Variants in ETS1 observed in about 807,000 individuals in gnomAD.
ETS1 encodes the protein ETS proto-oncogene 1, transcription factor.
In ETS1, 15 loss-of-function variants were observed where a neutral mutation model predicts 58.6. The observed-to-expected ratio is 0.26, with a 90% CI of 0.17 to 0.39. The LOEUF is 0.39. ETS1 is among the 10% of genes least tolerant of loss of function. ETS1 has a pLI of 1.00. For missense variants in ETS1, 417 were observed against 610.5 expected, an observed-to-expected ratio of 0.68 and a Z score of 3.34; for synonymous variants, 214 against 218.2, an observed-to-expected ratio of 0.98 and a Z score of 0.17.
At chr11:128,544,290 T>TCA (rs1864097727) in intron 3 of ETS1, among the ~76,000 whole-genome samples, 1 of 145,854 alleles carries the variant, frequency 6.9e-6, no homozygotes, top group Admixed American at 7.0e-5. Context: ...ACCTGTGAGA[T>TCA]CAGAAAGGAA....
chr11:128,542,812 C>T (rs941723901), intron 3 of ETS1, among the ~76,000 whole-genome samples: 17 of 152,070 alleles, frequency 1.1e-4, no homozygotes, highest in African/African-American at 3.1e-4. Context: ...TGGAACACAC[C>T]CTCCATGTAT....
At chr11:128,565,626 A>C (rs536588486) in intron 2 of ETS1, among the ~76,000 whole-genome samples, 2 of 152,342 alleles carry the variant, frequency 1.3e-5, no homozygotes, top group African/African-American at 4.8e-5. Context: ...CAGAAGCCCC[A>C]CAGTCCAAGA....
At chr11:128,558,112 A>C (rs769167768) in intron 2 of ETS1, among the ~76,000 whole-genome samples, 1 of 152,212 alleles carries the variant, frequency 6.6e-6, no homozygotes, top group Non-Finnish European at 1.5e-5. Context: ...GAGCTGGATG[A>C]AGTTTACTTT....
At chr11:128,551,254 C>T (rs781283074) in intron 3 of ETS1, among the ~76,000 whole-genome samples, 26 of 152,326 alleles carry the variant, frequency 1.7e-4, no homozygotes, top group East Asian at 1.2e-3. Flanking sequence ...ACTCCCTCAG[C>T]GCTCTCAACA....
chr11:128,569,208 G>A (rs1864569929), intron 2 of ETS1, among the ~76,000 whole-genome samples: 1 of 151,798 alleles, frequency 6.6e-6, no homozygotes, highest in Non-Finnish European at 1.5e-5. Context: ...ACATCTCCAG[G>A]CATTGCCAAA....
intron 3 of ETS1, among the ~76,000 whole-genome samples, chr11:128,545,394 A>G (rs143276352): frequency 6.6e-6 from 1 of 152,194 alleles, no homozygotes; most frequent in Non-Finnish European, 1.5e-5. Flanking sequence ...GGTTAAGAAC[A>G]TGCACTTTGG....
intron 1 of ETS1, among the ~76,000 whole-genome samples, chr11:128,584,792 C>T (rs1864940200): frequency 6.6e-6 from 1 of 150,816 alleles, no homozygotes; most frequent in African/African-American, 2.4e-5. Flanking sequence ...TGCTGCATAC[C>T]ACATTAATTT....
rs1202283286 is a variant in ETS1 at position 128,540,248 on chromosome 11, C to T, written c.214+16043G>A. On this transcript the variant is annotated intron_variant, in intron 3 of 9. Coordinates refer to ENST00000392668, the MANE Select transcript of ETS1 (RefSeq NM_001143820.2). ...GAATCACTTCAACCCAGGAGGCGGA[C>T]GGAGGATGCAGTGAGCGGAGATTGT... Among the ~76,000 whole-genome samples, 8 of 141,156 alleles carry T rather than the reference C, an allele frequency of 5.7e-5. No individual in the cohort carries two copies. The East Asian group carries it at 1.1e-3, about 19-fold the overall frequency. The allele number at this position is 141,156 out of a possible 152,430, so 92.6% of individuals were successfully genotyped here.
At chr11:128,515,103 A>G (rs1307456918) in intron 3 of ETS1, among the ~76,000 whole-genome samples, 1 of 152,062 alleles carries the variant, frequency 6.6e-6, no homozygotes, top group Non-Finnish European at 1.5e-5. Context: ...CAAAAAGAAA[A>G]CACAACATTT....
intron 1 of ETS1, among the ~76,000 whole-genome samples, chr11:128,575,027 T>A (rs1426520067): frequency 6.6e-6 from 1 of 152,138 alleles, no homozygotes; most frequent in African/African-American, 2.4e-5. Context: ...AACCCTCTGA[T>A]TTCCTCCAAA....
intron 3 of ETS1, among the ~76,000 whole-genome samples, chr11:128,528,000 A>C (rs1484905274): frequency 6.6e-6 from 1 of 152,206 alleles, no homozygotes; most frequent in Non-Finnish European, 1.5e-5. Context: ...GGAGCACAAA[A>C]AGGAGAAATA....
At chr11:128,538,684 T>C (rs1320538254) in intron 3 of ETS1, among the ~76,000 whole-genome samples, 1 of 152,082 alleles carries the variant, frequency 6.6e-6, no homozygotes, top group Non-Finnish European at 1.5e-5. Flanking sequence ...TGGCAGTGCC[T>C]GGCTAAAAGT....
intron 8 of ETS1, among the ~76,000 whole-genome samples, chr11:128,477,027 A>T (rs1862341697): frequency 6.6e-6 from 1 of 152,258 alleles, no homozygotes; most frequent in Non-Finnish European, 1.5e-5. Context: ...GTGAAAATTC[A>T]GTTTCTAACT....
intron 3 of ETS1, among the ~76,000 whole-genome samples, chr11:128,504,282 A>G (rs1483613416): frequency 1.3e-5 from 2 of 152,170 alleles, no homozygotes; most frequent in Non-Finnish European, 2.9e-5. Flanking sequence ...TGGAGCAATA[A>G]CTATCAGCCC....
chr11:128,512,025 C>T (rs1417813139), intron 3 of ETS1, among the ~76,000 whole-genome samples: 1 of 152,214 alleles, frequency 6.6e-6, no homozygotes, highest in East Asian at 1.9e-4. Flanking sequence ...ACAATATGCA[C>T]AAACGGACCT....
At chr11:128,469,141 G>A (rs1056614483) in intron 8 of ETS1, among the ~76,000 whole-genome samples, 2 of 152,218 alleles carry the variant, frequency 1.3e-5, no homozygotes, top group African/African-American at 4.8e-5. Context: ...AAATGAAAAT[G>A]ACTACCTGTC....
chr11:128,511,614 G>A (rs186726921), intron 3 of ETS1, among the ~76,000 whole-genome samples: 3 of 152,226 alleles, frequency 2.0e-5, no homozygotes, highest in Non-Finnish European at 2.9e-5. Context: ...TGTGGGACTT[G>A]TTATAGATGC....
chr11:128,476,028 C>G (rs1022989138), intron 8 of ETS1, among the ~76,000 whole-genome samples: 3 of 152,136 alleles, frequency 2.0e-5, no homozygotes, highest in African/African-American at 7.2e-5. Context: ...AATTTCATTA[C>G]AGTTAGTGAA....
intron 3 of ETS1, among the ~76,000 whole-genome samples, chr11:128,511,916 G>A (rs1863403296): frequency 6.6e-6 from 1 of 152,146 alleles, no homozygotes; most frequent in African/African-American, 2.4e-5. Flanking sequence ...GTAAAATATT[G>A]GTAACTCTAA....
Sources: allele counts gnomAD v4.1 joint callset (sites outside exome capture counted in the v4.1 genomes callset), GRCh38; gene constraint gnomAD v4.1.1; transcripts MANE v1.5; gene names NCBI Gene and HGNC (gene_info 2026-07-23, HGNC 2026-07-21).